Variants in WDR70 observed in about 807,000 individuals in gnomAD.
The protein encoded by WDR70 is WD repeat domain 70, also known as WD repeat-containing protein 70.
A neutral mutation model predicts 88.6 loss-of-function variants in WDR70; 53 were observed. The observed-to-expected ratio is 0.60, with a 90% confidence interval of 0.48 to 0.75. WDR70 has a LOEUF of 0.75. Ranked by LOEUF, WDR70 falls within the 30% of genes least tolerant of loss-of-function variation. WDR70 has a pLI of 0.00. For synonymous variants in WDR70, 280 were observed against 270.0 expected, an observed-to-expected ratio of 1.04 and a Z score of -0.36; for missense variants, 610 against 823.2, an observed-to-expected ratio of 0.74 and a Z score of 3.17.
intron 8 of WDR70, among the ~76,000 whole-genome samples, chr5:37,514,545 C>T (rs1266517787): frequency 4.0e-5 from 6 of 151,372 alleles, no homozygotes. Flanking sequence ...CTCCTTCCTT[C>T]CACCCTGCAC....
At chr5:37,486,575 C>A (rs1170908278) in intron 8 of WDR70, among the ~76,000 whole-genome samples, 1 of 152,092 alleles carries the variant, frequency 6.6e-6, no homozygotes, top group Non-Finnish European at 1.5e-5. Context: ...GAACTCCTGA[C>A]CTCATGTGAT....
Position 37,460,847 on chromosome 5 carries a change from T to G in WDR70, c.686+17475T>G, listed in dbSNP as rs1228465016. On this transcript the variant is annotated intron_variant, in intron 7 of 17. Coordinates refer to ENST00000265107, the MANE Select transcript of WDR70 (RefSeq NM_018034.4). ...ATTGTGTTATGTGCATAAAGGTTCTTGAACTTGGTGTTATAGTTTCTCAGT... is the reference window on the plus strand; with the variant it reads ...ATTGTGTTATGTGCATAAAGGTTCTGGAACTTGGTGTTATAGTTTCTCAGT... 4.6e-5 allele frequency among the ~76,000 whole-genome samples: 7 copies of G among 152,076 alleles called. No homozygotes were observed. The East Asian group carries it at 1.2e-3, about 25-fold the overall frequency.
rs1215715052 is a variant in WDR70 at position 37,522,753 on chromosome 5, G to T, written c.917+6163G>T. Among the ~76,000 whole-genome samples the T allele has an allele frequency of 2.0e-5, 3 of 152,302 alleles. No individual in the cohort carries two copies. In the East Asian group the frequency reaches 5.8e-4, roughly 30 times the overall value. On this transcript the variant is annotated intron_variant, in intron 9 of 17. Coordinates refer to ENST00000265107, the MANE Select transcript of WDR70 (RefSeq NM_018034.4). ...TATCCAAGGGAAGCTGTGACAGATG[G>T]CACCTGGAAAATCAGGTCACTCCCA...
intron 10 of WDR70, among the ~76,000 whole-genome samples, chr5:37,692,871 A>G (rs1746848668): frequency 6.7e-6 from 1 of 148,776 alleles, no homozygotes; most frequent in African/African-American, 2.4e-5. Flanking sequence ...GGCCAGGGCA[A>G]TCAGGCAAGA....
At chr5:37,675,274 T>C (rs1746167223) in intron 10 of WDR70, among the ~76,000 whole-genome samples, 1 of 152,302 alleles carries the variant, frequency 6.6e-6, no homozygotes, top group Admixed American at 6.5e-5. Flanking sequence ...TTTGTTGCCA[T>C]TGCTTTTGGT....
intron 14 of WDR70, 164 bp downstream of exon 14, chr5:37,721,379 A>T (rs1469512105): frequency 3.1e-6 from 2 of 634,952 alleles, no homozygotes; most frequent in Admixed American, 2.9e-5. Flanking sequence ...ATTGTGCTTT[A>T]AAAAGGATTT....
intron 10 of WDR70, among the ~76,000 whole-genome samples, chr5:37,641,409 TC>T (rs1401509147): frequency 1.3e-5 from 1 of 77,480 alleles, no homozygotes; most frequent in African/African-American, 5.2e-5. Flanking sequence ...CCTGTCCACA[TC>T]CTTTTTTTTT....
chr5:37,481,684 G>A (rs1179229561), intron 8 of WDR70, among the ~76,000 whole-genome samples: 1 of 152,140 alleles, frequency 6.6e-6, no homozygotes, highest in South Asian at 2.1e-4. Context: ...GGAGACATTT[G>A]CCCCATTGTC....
At position 37,516,725 on chromosome 5, in the gene WDR70, A is replaced by ATAT. The variant is rs1197472263; in HGVS notation, c.917+136_917+137insATT. 2.9e-4 allele frequency: 37 copies of ATAT among 128,060 alleles called. 1 individual carries two copies. The highest frequency in any genetic ancestry group is 7.8e-4 in the East Asian group (3 of 3,840). 7.9% of individuals were successfully genotyped at this position (128,060 alleles called of 1,614,324 possible). ...TCTTATTATATACATATATATATAT[A>ATAT]TTTTTTTTTTTTTTAAGGGGGAGTC... On this transcript the variant is annotated intron_variant, in intron 9 of 17. Coordinates refer to ENST00000265107, the MANE Select transcript of WDR70 (RefSeq NM_018034.4).
chr5:37,488,095 T>TTTTTTTTTC (rs1554143007), intron 8 of WDR70, among the ~76,000 whole-genome samples: 3 of 143,122 alleles, frequency 2.1e-5, no homozygotes, highest in Admixed American at 7.0e-5. Flanking sequence ...TTTTTTTTTT[T>TTTTTTTTTC]CCTTTCAGCA....
chr5:37,651,276 C>T (rs558236608), intron 10 of WDR70, among the ~76,000 whole-genome samples: 12 of 152,178 alleles, frequency 7.9e-5, no homozygotes, highest in African/African-American at 2.4e-4. Flanking sequence ...TCCATGTCCC[C>T]GCAAAGGACA....
intron 5 of WDR70, among the ~76,000 whole-genome samples, chr5:37,417,921 A>G (rs1455478382): frequency 6.6e-6 from 1 of 152,216 alleles, no homozygotes; most frequent in Non-Finnish European, 1.5e-5. Context: ...TACATAGCAA[A>G]TTGCAAAACT....
Position 37,399,509 on chromosome 5 carries a change from A to G in WDR70, c.492+2939A>G, listed in dbSNP as rs1250610896. 2.6e-5 allele frequency among the ~76,000 whole-genome samples: 4 copies of G among 152,264 alleles called. No homozygotes were observed. The East Asian group carries it at 7.7e-4, about 29-fold the overall frequency. On this transcript the variant is annotated intron_variant, in intron 5 of 17. Transcript: ENST00000265107. ...TTCTAAATTTTTTTCTCTAAAAATC[A>G]GAGAAAATGGCTAAATGATGTCAAA...
intron 10 of WDR70, among the ~76,000 whole-genome samples, chr5:37,641,055 A>G (rs1016803306): frequency 6.6e-5 from 10 of 152,198 alleles, no homozygotes; most frequent in African/African-American, 2.4e-4. Context: ...CCTCAGCTCT[A>G]TGATCACTAC....
At chr5:37,725,642 G>C (rs1747948229) in intron 16 of WDR70, among the ~76,000 whole-genome samples, 2 of 152,070 alleles carry the variant, frequency 1.3e-5, no homozygotes, top group African/African-American at 4.8e-5. Context: ...CTTCAGCATA[G>C]AAAACATTTT....
chr5:37,629,908 C>G (rs547488687), intron 10 of WDR70, among the ~76,000 whole-genome samples: 1 of 152,226 alleles, frequency 6.6e-6, no homozygotes, highest in South Asian at 2.1e-4. Context: ...CAATTTTATT[C>G]ACTAGGTGTC....
intron 9 of WDR70, among the ~76,000 whole-genome samples, chr5:37,520,480 C>G (rs1418219706): frequency 6.6e-6 from 1 of 151,964 alleles, no homozygotes; most frequent in African/African-American, 2.4e-5. Context: ...GTCTTTGCAG[C>G]TGCATAATTA....
At chr5:37,455,317 T>G (rs1738798220) in intron 7 of WDR70, among the ~76,000 whole-genome samples, 1 of 151,270 alleles carries the variant, frequency 6.6e-6, no homozygotes, top group Non-Finnish European at 1.5e-5. Context: ...CGATCTTGGT[T>G]CACTGCAACC....
At chr5:37,539,399 A>G (rs1226883232) in intron 9 of WDR70, among the ~76,000 whole-genome samples, 1 of 152,192 alleles carries the variant, frequency 6.6e-6, no homozygotes, top group Non-Finnish European at 1.5e-5. Flanking sequence ...CAAAGACACC[A>G]GGGATGCACA....
Sources: gnomAD v4.1 joint callset for allele counts (sites outside exome capture counted in the v4.1 genomes callset) on GRCh38, gnomAD v4.1.1 for gene constraint, MANE v1.5 for transcripts, NCBI Gene and HGNC (gene_info 2026-07-23, HGNC 2026-07-21) for gene names.